The following VSIG4 variants were observed in gnomAD, a reference collection of about 807,000 sequenced individuals.
The protein encoded by VSIG4 is V-set and immunoglobulin domain containing 4, also known as V-set and immunoglobulin domain-containing protein 4.
VSIG4 carries 34 observed loss-of-function variants against 23.4 expected under a neutral mutation model. The ratio of observed to expected loss-of-function variants is 1.45; its 90% CI spans 1.10 to 1.93. The LOEUF is 1.93. VSIG4 is among the 30% of genes most tolerant of loss of function. The pLI is 0.00. For missense variants in VSIG4, 433 were observed against 310.8 expected, an observed-to-expected ratio of 1.39 and a Z score of -2.96; for synonymous variants, 169 against 120.3, an observed-to-expected ratio of 1.41 and a Z score of -2.65.
chrX:66,031,305 T>C (rs930001538), intron 3 of VSIG4, among the ~76,000 whole-genome samples: 2 of 110,122 alleles, frequency 1.8e-5, no homozygotes, highest in Admixed American at 1.9e-4. Flanking sequence ...CGCCCTGCCC[T>C]CTCTGCTTGA....
rs111536853 is a variant in VSIG4, at chrX:66,032,891, A to G, written c.413-142T>C. ...GGGGCTTCTGACTTTGGAGGAAATA[A>G]GAAGGAAAGGGCAATACAAATAAAA... On this transcript the variant is annotated intron_variant, in intron 2 of 7. Coordinates refer to ENST00000374737, the MANE Select transcript of VSIG4 (RefSeq NM_007268.3). 3,811 of 655,759 alleles carry G rather than the reference A, an allele frequency of 5.8e-3. 110 individuals are homozygous for G. In the African/African-American group the frequency reaches 0.076, roughly 13 times the overall value. The allele number at this position is 655,759 out of a possible 1,213,427, so 54.0% of individuals were successfully genotyped here. A position where few individuals can be genotyped will look rare whatever the true frequency, so the allele number is the denominator to read the frequency against.
intron 1 of VSIG4, among the ~76,000 whole-genome samples, chrX:66,036,187 G>T (rs1401163192): frequency 1.8e-5 from 2 of 108,540 alleles, no homozygotes; most frequent in Admixed American, 1.0e-4. Context: ...GTTCCATTAT[G>T]CTTCCGTTCC....
chrX:66,039,012 C>T (rs1460456803), intron 1 of VSIG4, among the ~76,000 whole-genome samples: 2 of 111,684 alleles, frequency 1.8e-5, no homozygotes, highest in Admixed American at 9.5e-5. Flanking sequence ...TCTCACTTCT[C>T]AGGAGTGTAG....
At chrX:66,038,240 C>G (rs186635100) in intron 1 of VSIG4, among the ~76,000 whole-genome samples, 6 of 111,485 alleles carry the variant, frequency 5.4e-5, no homozygotes, top group African/African-American at 2.0e-4. Context: ...AAGCTGCAGT[C>G]CCACAGAGTT....
intron 1 of VSIG4, among the ~76,000 whole-genome samples, chrX:66,037,992 T>G (rs146613617): frequency 1.8e-3 from 194 of 109,833 alleles, no homozygotes; most frequent in African/African-American, 5.9e-3. Flanking sequence ...GGTTGACATT[T>G]TCCATATCTC....
chrX:66,025,000 C>T (rs1255798545), intron 6 of VSIG4, 25 bp downstream of exon 6: 1 of 1,093,346 alleles, frequency 9.1e-7, no homozygotes, highest in Non-Finnish European at 1.2e-6. Flanking sequence ...TGAGCCAAAG[C>T]CACCTTCTCA....
At position 66,027,455 on chromosome X, in the gene VSIG4, C is replaced by T; in HGVS notation, c.829G>A (p.Gly277Arg). The change falls in exon 5 of 8, where the codon GGG (glycine) becomes AGG (arginine). Residue 277 changes from glycine to arginine, a missense_variant. Coordinates refer to ENST00000374737, the MANE Select transcript of VSIG4 (RefSeq NM_007268.3). ...ATCCTGACAATATTCCTACCTGGCC[C>T]AGCACTGGTCTCTCCAAGGTAGCCA... ...MDGYLGETSAGPGKSLPVFAI... is the reference protein window; with the variant it reads ...MDGYLGETSARPGKSLPVFAI... 2.5e-6 allele frequency: 3 copies of T among 1,201,639 alleles called. No homozygotes were observed. Among genetic ancestry groups the T allele is most frequent in the Non-Finnish European group, 3.4e-6 (3 of 889,342 alleles).
At chrX:66,038,409 G>A (rs1422373418) in intron 1 of VSIG4, among the ~76,000 whole-genome samples, 5 of 110,449 alleles carry the variant, frequency 4.5e-5, no homozygotes, top group Non-Finnish European at 9.5e-5. Flanking sequence ...ACAAATGGAA[G>A]GCCTGCTTCC....
intron 2 of VSIG4, 63 bp from the exon 3 acceptor site, chrX:66,032,812 G>T: frequency 1.8e-6 from 2 of 1,122,234 alleles, no homozygotes; most frequent in Non-Finnish European, 2.4e-6. Flanking sequence ...CCAAAAGGCT[G>T]AATCATTCTT....
At chrX:66,029,851 G>A (rs1276811649) in intron 3 of VSIG4, among the ~76,000 whole-genome samples, 3 of 111,345 alleles carry the variant, frequency 2.7e-5, no homozygotes, top group South Asian at 3.7e-4. Flanking sequence ...AAGCTGTCCA[G>A]AAGGTAACTA....
intron 3 of VSIG4, among the ~76,000 whole-genome samples, chrX:66,030,465 G>A (rs755968066): frequency 4.1e-4 from 46 of 111,486 alleles, no homozygotes; most frequent in African/African-American, 1.5e-3. Flanking sequence ...CTTAGGTAGA[G>A]GATAAAGGGT....
chrX:66,038,882 A>C (rs1017561185), intron 1 of VSIG4, among the ~76,000 whole-genome samples: 1 of 111,195 alleles, frequency 9.0e-6, no homozygotes, highest in African/African-American at 3.3e-5. Flanking sequence ...AACAAGTGAC[A>C]CCAAGCTAAC....
intron 6 of VSIG4, among the ~76,000 whole-genome samples, chrX:66,023,753 G>T (rs1300821877): frequency 8.9e-6 from 1 of 112,231 alleles, no homozygotes; most frequent in Non-Finnish European, 1.9e-5. Context: ...ATAAGGAAGT[G>T]GTGGGTTGAG....
chrX:66,034,106 ACC>A, intron 1 of VSIG4, among the ~76,000 whole-genome samples: 1 of 111,857 alleles, frequency 8.9e-6, no homozygotes, highest in Non-Finnish European at 1.9e-5. Context: ...TAGGTAAGTC[ACC>A]TTCTTACCGT....
chrX:66,028,645 T>C (rs1379060205), intron 3 of VSIG4, among the ~76,000 whole-genome samples: 1 of 95,843 alleles, frequency 1.0e-5, no homozygotes, highest in East Asian at 3.2e-4. Flanking sequence ...GGAAGAAAAA[T>C]ATCCCAGTTT....
At position 66,033,204 on chromosome X, in the gene VSIG4, G is replaced by A. The variant is rs149798687; in HGVS notation, c.412+270C>T. On this transcript the variant is annotated intron_variant, in intron 2 of 7. Transcript: ENST00000374737. ...AGTTGTAAAGCCCAGAGCCCAAGGA[G>A]GGTAACTAGTCCATGGATACTGGCA... 2.3e-4 allele frequency among the ~76,000 whole-genome samples: 25 copies of A among 110,906 alleles called. No individual in the cohort carries two copies. The East Asian group carries it at 5.9e-3, about 26-fold the overall frequency.
intron 1 of VSIG4, among the ~76,000 whole-genome samples, chrX:66,036,707 AT>A (rs1476925150): frequency 1.9e-5 from 1 of 51,763 alleles, no homozygotes; most frequent in Non-Finnish European, 3.2e-5. Context: ...ATATATTATA[AT>A]TATATAATAT....
intron 1 of VSIG4, among the ~76,000 whole-genome samples, chrX:66,036,894 T>C (rs1385342018): frequency 3.2e-5 from 1 of 31,426 alleles, no homozygotes; most frequent in Non-Finnish European, 4.8e-5. Context: ...ATTATATATT[T>C]TATTATATAA....
chrX:66,037,451 T>C (rs1351302601), intron 1 of VSIG4, among the ~76,000 whole-genome samples: 6 of 38,397 alleles, frequency 1.6e-4, no homozygotes, highest in African/African-American at 6.5e-4. Flanking sequence ...ATAATATAAT[T>C]ATATAATAAT....
Sources: allele counts gnomAD v4.1 joint callset (sites outside exome capture counted in the v4.1 genomes callset), GRCh38; gene constraint gnomAD v4.1.1; transcripts MANE v1.5; gene names NCBI Gene and HGNC (gene_info 2026-07-23, HGNC 2026-07-21).